EPS8: variants seen among roughly 807,000 people sequenced by gnomAD.
EPS8 encodes the protein epidermal growth factor receptor kinase substrate 8.
In EPS8, 42 loss-of-function variants were observed where a neutral mutation model predicts 103.8. That is an observed-to-expected ratio of 0.40 (90% CI 0.32 to 0.52). The LOEUF (loss-of-function observed/expected upper bound fraction) is 0.52. Ranked by LOEUF, EPS8 falls within the 20% of genes least tolerant of loss-of-function variation. The probability of loss-of-function intolerance (pLI) is 0.40; values close to 1 mark genes in which losing one functional copy is unlikely to be tolerated. For synonymous variants in EPS8, 344 were observed against 344.6 expected (o/e 1.00, Z 0.02); for missense variants, 969 against 1,005.1 (o/e 0.96, Z 0.49).
chr12:15,663,944 A>AATAATAATAATAATAAT (rs869135353), intron 8 of EPS8, among the ~76,000 whole-genome samples: 6 of 85,964 alleles, frequency 7.0e-5, no homozygotes, highest in East Asian at 3.6e-4. Flanking sequence ...AAAAAAAAAA[A>AATAATAATAATAATAAT]AATAATATAT....
At position 15,733,993 on chromosome 12, in the gene EPS8, A is replaced by ACAC. The variant is rs1156480882; in HGVS notation, c.-21-51022_-21-51021insGTG. On this transcript the variant is annotated intron_variant, in intron 1 of 20. Coordinates refer to ENST00000281172, the MANE Select transcript of EPS8 (RefSeq NM_004447.6). The surrounding 1 kb of genome is among the most constrained non-coding windows in gnomAD (Gnocchi z 4.8). ...CCCACCTCAGCCTCCCAAGTCAGTG[A>ACAC]GACCCTCAGCTAATTTTTGTATTTT... 6.6e-6 allele frequency among the ~76,000 whole-genome samples: 1 copy of ACAC among 151,906 alleles called. No homozygotes were observed. The highest frequency in any genetic ancestry group is 1.5e-5 in the Non-Finnish European group (1 of 67,974).
chr12:15,676,549 C>A (rs4480592), intron 3 of EPS8, among the ~76,000 whole-genome samples: 19,270 of 152,118 alleles, frequency 0.13, 1,921 homozygotes, highest in East Asian at 0.49. Context: ...GATCCTTTGT[C>A]CCCAAGAAGA....
intron 8 of EPS8, chr12:15,665,080 T>C (rs933399267): frequency 1.3e-5 from 2 of 152,226 alleles, no homozygotes; most frequent in African/African-American, 4.8e-5. Context: ...TTTCCATGAA[T>C]ATGACAAACT....
rs956710836 is a variant in EPS8 at position 15,620,319 on chromosome 12, A to G, written c.*998T>C. On this transcript the variant is annotated 3_prime_UTR_variant, in exon 21 of 21. Transcript: ENST00000281172. ...ATCTGTTTTATATATGTGAAATAATATAACATTTAATGACAAAAATTGTGT... is the reference window on the plus strand; with the variant it reads ...ATCTGTTTTATATATGTGAAATAATGTAACATTTAATGACAAAAATTGTGT... 2.0e-5 allele frequency: 3 copies of G among 152,696 alleles called. No homozygotes were observed. Among genetic ancestry groups the G allele is most frequent in the Non-Finnish European group, 4.4e-5 (3 of 68,040 alleles). 9.5% of individuals were successfully genotyped at this position (152,696 alleles called of 1,614,324 possible). A position where few individuals can be genotyped will look rare whatever the true frequency, so the allele number is the denominator to read the frequency against.
At chr12:15,750,838 A>G (rs1222944260) in intron 1 of EPS8, among the ~76,000 whole-genome samples, 2 of 152,188 alleles carry the variant, frequency 1.3e-5, no homozygotes, top group African/African-American at 2.4e-5. Flanking sequence ...ACCAATTAAG[A>G]TTCTGGATTT....
At position 15,762,434 on chromosome 12, in the gene EPS8, G is replaced by A. The variant is rs1258832413; in HGVS notation, c.-22+26727C>T. On this transcript the variant is annotated intron_variant, in intron 1 of 20. Coordinates refer to ENST00000281172, the MANE Select transcript of EPS8 (RefSeq NM_004447.6). This position sits in a 1 kb window ranked among gnomAD's most constrained non-coding sequence, Gnocchi z 4.8. ...TATGATCCAGCAATCGCGCTGCTAG[G>A]TATAGACCCAAAAGAAAGGAAATCA... 6.6e-6 allele frequency among the ~76,000 whole-genome samples: 1 copy of A among 152,168 alleles called. No homozygotes were observed. Among genetic ancestry groups the A allele is most frequent in the Non-Finnish European group, 1.5e-5 (1 of 68,028 alleles).
At position 15,784,024 on chromosome 12, in the gene EPS8, C is replaced by G. The variant is rs1947286188; in HGVS notation, c.-22+5137G>C. ...ATAAAAATTAACTCTAAATGGATCA[C>G]ATACCTAAATGTAAAATGCAAAACT... is the stretch of plus-strand genomic sequence containing the variant. On this transcript the variant is annotated intron_variant, in intron 1 of 20. Coordinates refer to ENST00000281172, the MANE Select transcript of EPS8 (RefSeq NM_004447.6). The surrounding 1 kb of genome is among the most constrained non-coding windows in gnomAD (Gnocchi z 4.0). Among the ~76,000 whole-genome samples, 1 of 151,960 alleles carries G rather than the reference C, an allele frequency of 6.6e-6. No individual in the cohort carries two copies. Among genetic ancestry groups the G allele is most frequent in the South Asian group, 2.1e-4 (1 of 4,836 alleles).
At chr12:15,633,532 G>C (rs1331729872) in intron 17 of EPS8, among the ~76,000 whole-genome samples, 1 of 152,056 alleles carries the variant, frequency 6.6e-6, no homozygotes, top group African/African-American at 2.4e-5. Context: ...AATAAACTGT[G>C]TTACTGTCAC....
intron 1 of EPS8, among the ~76,000 whole-genome samples, chr12:15,763,042 C>A (rs1038970705): frequency 6.6e-6 from 1 of 151,936 alleles, no homozygotes; most frequent in African/African-American, 2.4e-5. Flanking sequence ...ATCTCATGTA[C>A]CCCCATAAAC....
At chr12:15,743,427 G>A (rs1169045274) in intron 1 of EPS8, among the ~76,000 whole-genome samples, 1 of 152,174 alleles carries the variant, frequency 6.6e-6, no homozygotes, top group Non-Finnish European at 1.5e-5. Context: ...AAGTTCATAT[G>A]GAACCAGTAA....
intron 1 of EPS8, among the ~76,000 whole-genome samples, chr12:15,707,670 T>G (rs1464771490): frequency 6.6e-6 from 1 of 152,194 alleles, no homozygotes; most frequent in Non-Finnish European, 1.5e-5. Context: ...ACTAGTGATT[T>G]ATGCTCATGA....
At chr12:15,674,247 T>C (rs1945865162) in intron 3 of EPS8, among the ~76,000 whole-genome samples, 1 of 152,182 alleles carries the variant, frequency 6.6e-6, no homozygotes, top group Admixed American at 6.5e-5. Flanking sequence ...ATTTTTTTTC[T>C]CTTTCTCTAA....
At position 15,688,817 on chromosome 12, in the gene EPS8, A is replaced by G. The variant is rs1476413389; in HGVS notation, c.-21-5845T>C. Among the ~76,000 whole-genome samples, 1 of 152,210 alleles carries G rather than the reference A, an allele frequency of 6.6e-6. No homozygotes were observed. Among genetic ancestry groups the G allele is most frequent in the African/African-American group, 2.4e-5 (1 of 41,458 alleles). ...GATACAGAAAACCCCCTGTCCTTGC[A>G]ATAAGGTAGAGGATCTAATTGAGCT... On this transcript the variant is annotated intron_variant, in intron 1 of 20. Coordinates refer to ENST00000281172, the MANE Select transcript of EPS8 (RefSeq NM_004447.6). This position sits in a 1 kb window ranked among gnomAD's most constrained non-coding sequence, Gnocchi z 5.1.
At chr12:15,730,194 T>TACAC (rs538758989) in intron 1 of EPS8, among the ~76,000 whole-genome samples, 7 of 151,626 alleles carry the variant, frequency 4.6e-5, no homozygotes, top group African/African-American at 1.2e-4. Context: ...ACTTTTGTAA[T>TACAC]ACACACACAC....
At chr12:15,681,486 A>G (rs1375614169) in intron 2 of EPS8, among the ~76,000 whole-genome samples, 184 bp from the exon 3 acceptor site, 1 of 151,766 alleles carries the variant, frequency 6.6e-6, no homozygotes, top group Non-Finnish European at 1.5e-5. Context: ...ATCCCAGCAC[A>G]TTGGGAGGCC....
In EPS8 at chr12:15,693,475, A is replaced by T. The variant is rs562641263; in HGVS notation, c.-21-10503T>A. Among the ~76,000 whole-genome samples the T allele has an allele frequency of 1.3e-5, 2 of 152,142 alleles. No homozygotes were observed. The highest frequency in any genetic ancestry group is 4.2e-4 in the South Asian group (2 of 4,816). On this transcript the variant is annotated intron_variant, in intron 1 of 20. Coordinates refer to ENST00000281172, the MANE Select transcript of EPS8 (RefSeq NM_004447.6). The surrounding 1 kb of genome is among the most constrained non-coding windows in gnomAD (Gnocchi z 5.6). ...AATAAATCCTACTATTCTTAGCCTCACTCTCACTGTTGAGTCAGTTGGAGG... is the reference window on the plus strand; with the variant it reads ...AATAAATCCTACTATTCTTAGCCTCTCTCTCACTGTTGAGTCAGTTGGAGG...
chr12:15,766,679 CAAA>C (rs769965889), intron 1 of EPS8, among the ~76,000 whole-genome samples: 5 of 85,702 alleles, frequency 5.8e-5, no homozygotes, highest in Non-Finnish European at 4.9e-5. Context: ...ACTCTGTCTC[CAAA>C]AAAAAAAAAA....
chr12:15,757,189 A>C lies in EPS8; in HGVS notation c.-22+31972T>G, dbSNP rs920768841. Among the ~76,000 whole-genome samples the C allele has an allele frequency of 3.3e-5, 5 of 152,250 alleles. No homozygotes were observed. Among genetic ancestry groups the C allele is most frequent in the Non-Finnish European group, 7.3e-5 (5 of 68,046 alleles). On this transcript the variant is annotated intron_variant, in intron 1 of 20. Transcript: ENST00000281172. This position sits in a 1 kb window ranked among gnomAD's most constrained non-coding sequence, Gnocchi z 4.1. ...GGAGAGACTGAATAAAATGATTTCT[A>C]AAATTGTTACCATTTTAAATACCCT...
chr12:15,766,869 C>T (rs1947104380), intron 1 of EPS8, among the ~76,000 whole-genome samples: 1 of 152,124 alleles, frequency 6.6e-6, no homozygotes, highest in African/African-American at 2.4e-5. Flanking sequence ...TCAGTCATTA[C>T]TACCAAAAGG....
Sources: allele counts gnomAD v4.1 joint callset (sites outside exome capture counted in the v4.1 genomes callset), GRCh38; gene constraint gnomAD v4.1.1; non-coding constraint Gnocchi (gnomAD v3.1); transcripts MANE v1.5; gene names NCBI Gene and HGNC (gene_info 2026-07-23, HGNC 2026-07-21).